The following RUNX2 variants were observed in gnomAD, a reference collection of about 807,000 sequenced individuals.
RUNX2 encodes the protein RUNX family transcription factor 2, also known as runt-related transcription factor 2.
In RUNX2, 10 loss-of-function variants were observed where a neutral mutation model predicts 51.7. The observed-to-expected ratio is 0.19, with a 90% CI of 0.12 to 0.33. The LOEUF is 0.33. Among genes scored for constraint, RUNX2 ranks in the 10% least tolerant of loss-of-function variants. The pLI is 1.00. For synonymous variants in RUNX2, 276 were observed against 273.6 expected, an observed-to-expected ratio of 1.01 and a Z score of -0.09; for missense variants, 562 against 691.3, an observed-to-expected ratio of 0.81 and a Z score of 2.10.
rs1786783474 is a variant in RUNX2 at position 45,328,465 on chromosome 6, G to A, written c.-67+5G>A. ...CCACCGAGACCAACAGAGTCAGTGA[G>A]TGCTCTCTAACCACAGTCTATGCAG... is the stretch of plus-strand genomic sequence containing the variant. On this transcript the variant is annotated splice_donor_5th_base_variant and intron_variant, in intron 1 of 8. Transcript: ENST00000647337. 6.8e-7 allele frequency: 1 copy of A among 1,477,264 alleles called. No homozygotes were observed. Among genetic ancestry groups the A allele is most frequent in the Non-Finnish European group, 9.1e-7 (1 of 1,093,666 alleles). 91.5% of individuals were successfully genotyped at this position (1,477,264 alleles called of 1,614,324 possible).
intron 6 of RUNX2, among the ~76,000 whole-genome samples, chr6:45,501,011 G>A (rs1187985096): frequency 1.4e-4 from 21 of 152,240 alleles, no homozygotes; most frequent in Non-Finnish European, 1.5e-5. Flanking sequence ...GGGGAAATCC[G>A]TGTGTTCGTT....
At chr6:45,411,397 A>G (rs550807208) in intron 2 of RUNX2, among the ~76,000 whole-genome samples, 76 of 152,344 alleles carry the variant, frequency 5.0e-4, no homozygotes, top group African/African-American at 1.7e-3. Context: ...AACACTGACA[A>G]TAAGAAACAT....
chr6:45,510,421 G>C (rs755923012), intron 6 of RUNX2, among the ~76,000 whole-genome samples: 2 of 152,210 alleles, frequency 1.3e-5, no homozygotes, highest in Non-Finnish European at 2.9e-5. Context: ...ACTCAAGGAA[G>C]TATGTCCTAT....
chr6:45,526,043 A>G (rs1184837574), intron 7 of RUNX2, among the ~76,000 whole-genome samples: 3 of 152,202 alleles, frequency 2.0e-5, no homozygotes, highest in Non-Finnish European at 2.9e-5. Context: ...AAAGGCTAAT[A>G]TAGCATTTAA....
intron 5 of RUNX2, among the ~76,000 whole-genome samples, chr6:45,473,359 C>T (rs1449848155): frequency 2.0e-5 from 3 of 151,822 alleles, no homozygotes; most frequent in African/African-American, 2.4e-5. Context: ...TGTATGTGCG[C>T]GTGTATGTGT....
intron 5 of RUNX2, among the ~76,000 whole-genome samples, chr6:45,458,814 C>G (rs528762355): frequency 6.6e-6 from 1 of 152,258 alleles, no homozygotes; most frequent in South Asian, 2.1e-4. Context: ...CTCTTGACTC[C>G]TTCAAATTCC....
Position 45,548,839 on chromosome 6 carries a change from T to C in RUNX2, c.*1534T>C, listed in dbSNP as rs140371943. The C allele has an allele frequency of 0.014, 3,876 of 269,264 alleles. 37 individuals carry two copies. The highest frequency in any genetic ancestry group is 0.017 in the Non-Finnish European group (2,507 of 143,994). 16.7% of individuals were successfully genotyped at this position (269,264 alleles called of 1,614,324 possible). On this transcript the variant is annotated 3_prime_UTR_variant, in exon 9 of 9. Coordinates refer to ENST00000647337, the MANE Select transcript of RUNX2 (RefSeq NM_001024630.4). ...ACAACAGGGGAACCCCAATCTGCCT[T>C]ACCCAAGGCCCCACTGGCAGCTTTC...
chr6:45,376,266 T>G (rs1488617215), intron 2 of RUNX2, among the ~76,000 whole-genome samples: 5 of 152,212 alleles, frequency 3.3e-5, no homozygotes, highest in Non-Finnish European at 5.9e-5. Context: ...TTGAATATAA[T>G]TACAATTCCC....
intron 5 of RUNX2, among the ~76,000 whole-genome samples, chr6:45,460,174 C>A (rs952337140): frequency 1.3e-5 from 2 of 151,994 alleles, no homozygotes; most frequent in Non-Finnish European, 2.9e-5. Flanking sequence ...GAGAAGAGGG[C>A]CAAGGACAGA....
At chr6:45,369,075 G>C (rs1396940187) in intron 2 of RUNX2, among the ~76,000 whole-genome samples, 1 of 151,836 alleles carries the variant, frequency 6.6e-6, no homozygotes, top group Non-Finnish European at 1.5e-5. Flanking sequence ...TAACACAAAG[G>C]TAATCTCAAT....
At chr6:45,485,673 ATGTGTGTGTG>A (rs370831246) in intron 5 of RUNX2, among the ~76,000 whole-genome samples, 2 of 124,236 alleles carry the variant, frequency 1.6e-5, no homozygotes, top group Non-Finnish European at 1.7e-5. Context: ...ATGGATATGT[ATGTGTGTGTG>A]TGTGTGTGTG....
intron 7 of RUNX2, among the ~76,000 whole-genome samples, chr6:45,521,756 C>G (rs1801514415): frequency 6.6e-6 from 1 of 152,138 alleles, no homozygotes; most frequent in African/African-American, 2.4e-5. Context: ...TGCAGGTCAT[C>G]CTACTGGTCT....
intron 2 of RUNX2, among the ~76,000 whole-genome samples, chr6:45,392,872 T>C (rs1193868075): frequency 6.6e-6 from 1 of 152,200 alleles, no homozygotes; most frequent in Non-Finnish European, 1.5e-5. Context: ...ATTACAAGTA[T>C]GTTACCCTTT....
intron 2 of RUNX2, among the ~76,000 whole-genome samples, chr6:45,372,426 T>C (rs933749900): frequency 2.0e-5 from 3 of 152,210 alleles, no homozygotes; most frequent in East Asian, 1.9e-4. Flanking sequence ...AAGAATGTTA[T>C]GACTAAGAGT....
intron 2 of RUNX2, chr6:45,377,488 C>G (rs1056588758): frequency 5.9e-5 from 9 of 152,270 alleles, no homozygotes; most frequent in East Asian, 1.9e-4. Flanking sequence ...CCCAGCCCCC[C>G]TCACCCCACG....
intron 6 of RUNX2, among the ~76,000 whole-genome samples, chr6:45,502,010 T>C (rs1800811849): frequency 6.6e-6 from 1 of 152,238 alleles, no homozygotes; most frequent in Admixed American, 6.5e-5. Context: ...ATTTAACAGC[T>C]GTCATGTGGA....
chr6:45,368,354 G>C (rs1795502116), intron 2 of RUNX2, among the ~76,000 whole-genome samples: 1 of 152,034 alleles, frequency 6.6e-6, no homozygotes, highest in East Asian at 1.9e-4. Context: ...CTGTGTTCCA[G>C]AGAAGAAAAA....
rs564412789 is a variant in RUNX2 at position 45,393,820 on chromosome 6, G to A, written c.59-28773G>A. Among the ~76,000 whole-genome samples, 38 of 152,208 alleles carry A rather than the reference G, an allele frequency of 2.5e-4. 1 individual carries two copies. Among genetic ancestry groups the A allele is most frequent in the African/African-American group, 7.9e-4 (33 of 41,554 alleles). On this transcript the variant is annotated intron_variant, in intron 2 of 8. Transcript: ENST00000647337. ...TGTAGTGCCAGCATCCCTTTCTGGT[G>A]AGGGCCTCAGGAAGCTTACAACCAT... is the stretch of plus-strand genomic sequence containing the variant.
At chr6:45,428,685 T>A (rs527974296) in intron 3 of RUNX2, among the ~76,000 whole-genome samples, 4 of 152,200 alleles carry the variant, frequency 2.6e-5, no homozygotes, top group Non-Finnish European at 5.9e-5. Flanking sequence ...TGGATGTATG[T>A]ATTTCACTCT....
Sources: gnomAD v4.1 joint callset for allele counts (sites outside exome capture counted in the v4.1 genomes callset) on GRCh38, gnomAD v4.1.1 for gene constraint, MANE v1.5 for transcripts, NCBI Gene and HGNC (gene_info 2026-07-23, HGNC 2026-07-21) for gene names.